The following TRPM3 variants were observed in gnomAD, a reference collection of about 807,000 sequenced individuals.
The protein encoded by TRPM3 is transient receptor potential cation channel subfamily M member 3, also known as long transient receptor potential channel 3.
In TRPM3, 77 loss-of-function variants were observed where a neutral mutation model predicts 181.2. That is an observed-to-expected ratio of 0.42 (90% confidence interval 0.35 to 0.51). TRPM3 has a LOEUF of 0.51. Among genes scored for constraint, TRPM3 ranks in the 20% least tolerant of loss-of-function variants. The pLI, the probability that TRPM3 is intolerant of heterozygous loss-of-function variation, is 0.01. For synonymous variants in TRPM3, 745 were observed against 796.4 expected, an observed-to-expected ratio of 0.94 and a Z score of 1.09; for missense variants, 1,759 against 2,196.7, an observed-to-expected ratio of 0.80 and a Z score of 3.98.
chr9:71,060,404 A>T (rs1415308975), intron 1 of TRPM3, among the ~76,000 whole-genome samples: 2 of 152,122 alleles, frequency 1.3e-5, no homozygotes, highest in Admixed American at 1.3e-4. Flanking sequence ...GGTTGGACAG[A>T]TGATGCTGTA....
chr9:71,066,655 A>G (rs1377774604), intron 1 of TRPM3, among the ~76,000 whole-genome samples: 1 of 152,190 alleles, frequency 6.6e-6, no homozygotes, highest in African/African-American at 2.4e-5. Context: ...GAGTTTTGGC[A>G]TATCAAGATG....
intron 22 of TRPM3, among the ~76,000 whole-genome samples, chr9:70,583,633 C>T (rs1266737842): frequency 2.0e-5 from 3 of 152,214 alleles, no homozygotes; most frequent in Admixed American, 1.3e-4. Context: ...TCTCTAGCAT[C>T]ACAAGCCATT....
At chr9:71,036,919 T>C (rs1428127183) in intron 1 of TRPM3, among the ~76,000 whole-genome samples, 1 of 152,176 alleles carries the variant, frequency 6.6e-6, no homozygotes, top group East Asian at 1.9e-4. Flanking sequence ...TTATGTGATA[T>C]TTTGGACAAC....
At chr9:71,176,073 C>T (rs1486127328) in intron 1 of TRPM3, among the ~76,000 whole-genome samples, 1 of 152,112 alleles carries the variant, frequency 6.6e-6, no homozygotes, top group Non-Finnish European at 1.5e-5. Flanking sequence ...GTACATAATA[C>T]TTGATAAGAA....
intron 1 of TRPM3, among the ~76,000 whole-genome samples, chr9:71,360,210 A>G (rs1010839579): frequency 3.9e-5 from 6 of 152,210 alleles, no homozygotes; most frequent in African/African-American, 1.4e-4. Flanking sequence ...GCACTAAGAG[A>G]TAGTAGCCAA....
chr9:71,025,427 T>C (rs1170482385), intron 1 of TRPM3, among the ~76,000 whole-genome samples: 1 of 152,152 alleles, frequency 6.6e-6, no homozygotes, highest in Non-Finnish European at 1.5e-5. Flanking sequence ...AAGGAACACA[T>C]GATTCATCGG....
At chr9:70,775,076 A>C (rs1301962837) in intron 7 of TRPM3, 2 of 152,180 alleles carry the variant, frequency 1.3e-5, no homozygotes, top group African/African-American at 2.4e-5. Flanking sequence ...AAAACATCCC[A>C]AACATTATTT....
upstream of TRPM3, among the ~76,000 whole-genome samples, chr9:71,126,304 T>C (rs954788851): frequency 3.3e-5 from 5 of 152,242 alleles, no homozygotes; most frequent in African/African-American, 4.8e-5. Context: ...GTTCAATCAT[T>C]GTGGAAGACA....
At chr9:70,640,277 G>A (rs1169581613) in intron 10 of TRPM3, among the ~76,000 whole-genome samples, 1 of 152,022 alleles carries the variant, frequency 6.6e-6, no homozygotes, top group Non-Finnish European at 1.5e-5. Flanking sequence ...TATTTTTTCA[G>A]ATGTATTCAA....
chr9:70,825,146 C>G (rs1323437976), intron 6 of TRPM3: 5 of 152,182 alleles, frequency 3.3e-5, no homozygotes, highest in Non-Finnish European at 7.3e-5. Flanking sequence ...GGATTTGGGA[C>G]TTTCACGGCT....
At chr9:70,929,916 G>A (rs1033508687) in intron 1 of TRPM3, among the ~76,000 whole-genome samples, 46 of 152,234 alleles carry the variant, frequency 3.0e-4, no homozygotes, top group African/African-American at 1.1e-3. Flanking sequence ...AGCGAAACTG[G>A]GGAATCTTAT....
At chr9:71,298,383 A>G (rs2086475360) in intron 1 of TRPM3, among the ~76,000 whole-genome samples, 2 of 152,142 alleles carry the variant, frequency 1.3e-5, no homozygotes, top group Non-Finnish European at 2.9e-5. Flanking sequence ...TCAAGGGATG[A>G]ATATGGTCCT....
rs35947110 is a variant in TRPM3, at chr9:71,162,199, CA to C, written c.183+284453del. ...TGGGTGACAGAGCATGACTCTGTCTCAAAAAAAAAAAAAAAAAAAAAGAAGA... is the reference window on the plus strand; with the variant it reads ...TGGGTGACAGAGCATGACTCTGTCTCAAAAAAAAAAAAAAAAAAAAGAAGA... On this transcript the variant is annotated intron_variant, in intron 1 of 24. Coordinates refer to the TRPM3 transcript ENST00000357533. Among the ~76,000 whole-genome samples, 488 of 74,412 alleles carry C rather than the reference CA, an allele frequency of 6.6e-3. 1 individual carries two copies. The highest frequency in any genetic ancestry group is 0.025 in the East Asian group (58 of 2,366). 48.8% of individuals were successfully genotyped at this position (74,412 alleles called of 152,430 possible).
In TRPM3 at chr9:70,588,108, ATTATG is replaced by A. The variant is rs1364367065; in HGVS notation, c.3223+2918_3223+2922del. 2.0e-5 allele frequency among the ~76,000 whole-genome samples: 3 copies of A among 152,330 alleles called. No individual in the cohort carries two copies. The South Asian group carries it at 6.2e-4, about 32-fold the overall frequency. ...TGGCTTAGAGGTGAAAAGCACCTAA[ATTATG>A]TTGTGACTTTACAGCGACTCCATTT... On this transcript the variant is annotated intron_variant, in intron 22 of 25. Coordinates refer to ENST00000677713, the MANE Select transcript of TRPM3 (RefSeq NM_001366145.2).
chr9:70,769,235 C>T (rs1451203071), intron 7 of TRPM3, among the ~76,000 whole-genome samples: 3 of 152,170 alleles, frequency 2.0e-5, no homozygotes, highest in Admixed American at 2.0e-4. Context: ...TCTCCTGCCA[C>T]TCTGTCACAC....
At chr9:70,897,841 C>G (rs1411902064) in intron 1 of TRPM3, among the ~76,000 whole-genome samples, 1 of 152,120 alleles carries the variant, frequency 6.6e-6, no homozygotes, top group African/African-American at 2.4e-5. Flanking sequence ...GCGCATTGGC[C>G]ATTAATAGCA....
intron 8 of TRPM3, among the ~76,000 whole-genome samples, chr9:70,747,376 T>A (rs773550979): frequency 1.3e-5 from 2 of 152,146 alleles, no homozygotes; most frequent in African/African-American, 4.8e-5. Flanking sequence ...GCTCTAAGCT[T>A]GAACAATATC....
intron 1 of TRPM3, among the ~76,000 whole-genome samples, chr9:71,435,751 T>C (rs2094023070): frequency 6.6e-6 from 1 of 152,222 alleles, no homozygotes; most frequent in Middle Eastern, 3.2e-3. Context: ...CCTGTGAATA[T>C]GCTACTTTAC....
intron 1 of TRPM3, among the ~76,000 whole-genome samples, chr9:71,374,101 C>G (rs960655689): frequency 2.6e-5 from 4 of 152,158 alleles, no homozygotes; most frequent in African/African-American, 9.6e-5. Flanking sequence ...AAAGGCCAGG[C>G]ACAGTGGTTC....
Sources: gnomAD v4.1 joint callset for allele counts (sites outside exome capture counted in the v4.1 genomes callset) on GRCh38, gnomAD v4.1.1 for gene constraint, MANE v1.5 for transcripts, NCBI Gene and HGNC (gene_info 2026-07-23, HGNC 2026-07-21) for gene names.